Variants in PPARGC1A observed in about 807,000 individuals in gnomAD.
PPARGC1A encodes the protein peroxisome proliferator-activated receptor gamma coactivator 1-alpha.
In PPARGC1A, 25 loss-of-function variants were observed where a neutral mutation model predicts 88.7. The observed-to-expected ratio is 0.28, with a 90% confidence interval of 0.21 to 0.39. The LOEUF is 0.39. PPARGC1A is among the 10% of genes least tolerant of loss of function. The pLI, the probability that PPARGC1A is intolerant of heterozygous loss-of-function variation, is 1.00. For synonymous variants in PPARGC1A, 363 were observed against 355.6 expected, an observed-to-expected ratio of 1.02 and a Z score of -0.24; for missense variants, 880 against 968.7, an observed-to-expected ratio of 0.91 and a Z score of 1.22.
chr4:23,955,768 G>A, the PPARGC1A span, among the ~76,000 whole-genome samples: 1 of 152,054 alleles, frequency 6.6e-6, no homozygotes, highest in African/African-American at 2.4e-5. Flanking sequence ...GGTTGAATTT[G>A]TATCTTCATT....
the PPARGC1A span, among the ~76,000 whole-genome samples, chr4:24,156,252 C>T: frequency 3.3e-5 from 5 of 152,084 alleles, no homozygotes; most frequent in Non-Finnish European, 7.4e-5. Flanking sequence ...TCTATTTAAC[C>T]TTAGTGGGGA....
At chr4:23,976,628 TG>T in the PPARGC1A span, among the ~76,000 whole-genome samples, 2 of 152,116 alleles carry the variant, frequency 1.3e-5, no homozygotes, top group Non-Finnish European at 2.9e-5. Flanking sequence ...TAAGGTTAAA[TG>T]AGGGCATAAG....
chr4:24,120,291 G>A, the PPARGC1A span, among the ~76,000 whole-genome samples: 2 of 152,108 alleles, frequency 1.3e-5, no homozygotes, highest in African/African-American at 2.4e-5. Context: ...CCACCATCTG[G>A]TTCCTTCCCA....
chr4:24,172,131 G>T, the PPARGC1A span, among the ~76,000 whole-genome samples: 1 of 152,164 alleles, frequency 6.6e-6, no homozygotes, highest in Non-Finnish European at 1.5e-5. Context: ...AAGAGAAAAA[G>T]GCTGGGGCCA....
the PPARGC1A span, among the ~76,000 whole-genome samples, chr4:24,446,496 A>G: frequency 2.0e-5 from 3 of 152,198 alleles, no homozygotes; most frequent in Non-Finnish European, 4.4e-5. Flanking sequence ...AGAGGAGACA[A>G]AGACTATTTT....
chr4:23,930,981 G>A, the PPARGC1A span, among the ~76,000 whole-genome samples: 1 of 152,236 alleles, frequency 6.6e-6, no homozygotes, highest in Non-Finnish European at 1.5e-5. Flanking sequence ...CCCAGAGGCA[G>A]CCTGGCACAT....
the PPARGC1A span, among the ~76,000 whole-genome samples, chr4:23,941,432 T>C: frequency 6.6e-6 from 1 of 152,118 alleles, no homozygotes; most frequent in African/African-American, 2.4e-5. Flanking sequence ...AAACTTCAAT[T>C]TACAGAACGG....
At chr4:23,852,127 G>C (rs1412058475) in intron 2 of PPARGC1A, among the ~76,000 whole-genome samples, 1 of 152,040 alleles carries the variant, frequency 6.6e-6, no homozygotes, top group Non-Finnish European at 1.5e-5. Context: ...CCACTAAGGA[G>C]GCAGACCACA....
At chr4:24,357,013 C>T in the PPARGC1A span, among the ~76,000 whole-genome samples, 1 of 152,152 alleles carries the variant, frequency 6.6e-6, no homozygotes, top group Non-Finnish European at 1.5e-5. Flanking sequence ...GAACAGCCCT[C>T]AGATAACAAC....
chr4:23,880,501 G>A (rs1028096238), intron 2 of PPARGC1A, among the ~76,000 whole-genome samples: 1 of 152,118 alleles, frequency 6.6e-6, no homozygotes. Context: ...CTCCTCAAAT[G>A]CTCATGGTCT....
At chr4:23,963,617 G>T in the PPARGC1A span, among the ~76,000 whole-genome samples, 1 of 152,186 alleles carries the variant, frequency 6.6e-6, no homozygotes, top group East Asian at 1.9e-4. Context: ...AAGGACTGAA[G>T]ATCTACATGG....
At chr4:24,136,926 C>A in the PPARGC1A span, among the ~76,000 whole-genome samples, 1 of 151,914 alleles carries the variant, frequency 6.6e-6, no homozygotes, top group South Asian at 2.1e-4. Context: ...CCAGCCTGAT[C>A]AACATGGTGA....
the PPARGC1A span, among the ~76,000 whole-genome samples, chr4:24,146,576 A>G: frequency 6.6e-6 from 1 of 152,212 alleles, no homozygotes; most frequent in African/African-American, 2.4e-5. Flanking sequence ...GGAGGCATAT[A>G]TTAAAGATCC....
chr4:24,255,677 A>G, the PPARGC1A span, among the ~76,000 whole-genome samples: 7 of 152,214 alleles, frequency 4.6e-5, no homozygotes, highest in Admixed American at 4.6e-4. Flanking sequence ...TTACTTGTGC[A>G]TGATCAAGAG....
chr4:24,173,663 C>T, the PPARGC1A span, among the ~76,000 whole-genome samples: 3 of 152,202 alleles, frequency 2.0e-5, no homozygotes, highest in African/African-American at 7.2e-5. Flanking sequence ...GAGCATATTA[C>T]AGCACAATGG....
At chr4:24,302,705 C>T in the PPARGC1A span, among the ~76,000 whole-genome samples, 4 of 152,168 alleles carry the variant, frequency 2.6e-5, no homozygotes, top group Non-Finnish European at 2.9e-5. Flanking sequence ...AGCCATGAAA[C>T]GTCCATTTGT....
chr4:24,434,314 G>T, the PPARGC1A span, among the ~76,000 whole-genome samples: 1 of 152,156 alleles, frequency 6.6e-6, no homozygotes, highest in Non-Finnish European at 1.5e-5. Flanking sequence ...TTTGCTTTCA[G>T]ACTGAGGTAG....
the PPARGC1A span, among the ~76,000 whole-genome samples, chr4:24,263,472 C>CACACAT: frequency 1.3e-5 from 2 of 151,612 alleles, no homozygotes; most frequent in African/African-American, 4.9e-5. Context: ...CACACACACA[C>CACACAT]ACACACACAC....
chr4:24,414,574 C>A, the PPARGC1A span, among the ~76,000 whole-genome samples: 1 of 152,126 alleles, frequency 6.6e-6, no homozygotes, highest in Non-Finnish European at 1.5e-5. Flanking sequence ...CCAATTGGAT[C>A]CCCTGGGGTC....
Sources: allele counts gnomAD v4.1 joint callset (sites outside exome capture counted in the v4.1 genomes callset), GRCh38; gene constraint gnomAD v4.1.1; transcripts MANE v1.5; gene names NCBI Gene and HGNC (gene_info 2026-07-23, HGNC 2026-07-21).